The following SBK1 variants were observed in gnomAD, a reference collection of about 807,000 sequenced individuals.
SBK1 encodes the protein SH3 domain binding kinase 1, also known as serine/threonine-protein kinase SBK1.
Under a neutral mutation model 24.4 loss-of-function variants are expected in SBK1, and 11 were observed. The ratio of observed to expected loss-of-function variants is 0.45; its 90% CI spans 0.28 to 0.75. SBK1 has a LOEUF of 0.75. Ranked by LOEUF, SBK1 falls within the 30% of genes least tolerant of loss-of-function variation. The pLI is 0.12. For missense variants in SBK1, 467 were observed against 620.5 expected (o/e 0.75, Z 2.63); for synonymous variants, 308 against 284.4 (o/e 1.08, Z -0.83).
At chr16:28,315,205 A>G (rs1250755570) in intron 1 of SBK1, among the ~76,000 whole-genome samples, 1 of 149,100 alleles carries the variant, frequency 6.7e-6, no homozygotes, top group African/African-American at 2.5e-5. Flanking sequence ...ATGAATGCCC[A>G]GAGTGGTTGC....
chr16:28,270,417 T>C (rs924290830), intron 1 of SBK1, among the ~76,000 whole-genome samples: 15 of 150,188 alleles, frequency 1.0e-4, no homozygotes, highest in African/African-American at 3.4e-4. Context: ...ATTATTATTA[T>C]TATTATTATT....
At chr16:28,281,575 C>T (rs977417154) in intron 1 of SBK1, among the ~76,000 whole-genome samples, 12 of 152,084 alleles carry the variant, frequency 7.9e-5, no homozygotes, top group African/African-American at 2.9e-4. Context: ...GGCTGGGTGG[C>T]AGGGTGGTTA....
intron 1 of SBK1, among the ~76,000 whole-genome samples, chr16:28,267,723 G>T (rs2044438463): frequency 6.6e-6 from 1 of 152,214 alleles, no homozygotes; most frequent in African/African-American, 2.4e-5. Flanking sequence ...GTTAGGACAG[G>T]CCAAGGAGTA....
At chr16:28,262,967 G>A (rs957893902) in intron 1 of SBK1, among the ~76,000 whole-genome samples, 3 of 152,064 alleles carry the variant, frequency 2.0e-5, no homozygotes, top group Admixed American at 6.6e-5. Flanking sequence ...CATCACCCAC[G>A]GCCACTGCTG....
chr16:28,268,846 C>G (rs1249315119), intron 1 of SBK1, among the ~76,000 whole-genome samples: 1 of 152,116 alleles, frequency 6.6e-6, no homozygotes, highest in East Asian at 1.9e-4. Context: ...TAGAGAAGCT[C>G]AAGAGCAAAC....
At chr16:28,314,155 A>G (rs1431070610) in intron 1 of SBK1, among the ~76,000 whole-genome samples, 4 of 150,764 alleles carry the variant, frequency 2.7e-5, no homozygotes, top group Non-Finnish European at 4.4e-5. Flanking sequence ...TATTGTTATT[A>G]TTATTATTAT....
At chr16:28,292,330 G>A (rs936232184), upstream of SBK1, among the ~76,000 whole-genome samples, 2 of 145,698 alleles carry the variant, frequency 1.4e-5, no homozygotes, top group East Asian at 2.0e-4. Context: ...GGCCGGAAGG[G>A]GGTGGGGGCG....
chr16:28,292,773 C>G lies in SBK1; in HGVS notation c.-535C>G. The G allele has an allele frequency of 1.0e-6, 1 of 985,334 alleles. No individual in the cohort carries two copies. The highest frequency in any genetic ancestry group is 1.2e-6 in the Non-Finnish European group (1 of 829,838). The allele number at this position is 985,334 out of a possible 1,614,324, so 61.0% of individuals were successfully genotyped here. On this transcript the variant is annotated 5_prime_UTR_variant, in exon 1 of 4. The change creates a new upstream start codon in the 5' untranslated region. Coordinates refer to ENST00000341901, the MANE Select transcript of SBK1 (RefSeq NM_001024401.3). ...GGGAGCCCCCTTCCACATCCAGGAT[C>G]CGGCGAGCCTCGGGGAAGAGGGGGG...
chr16:28,313,834 G>C (rs1458488887), intron 1 of SBK1, among the ~76,000 whole-genome samples: 6 of 152,114 alleles, frequency 3.9e-5, no homozygotes, highest in Admixed American at 3.9e-4. Flanking sequence ...GCTGGGTCGT[G>C]CCGAGAGTGA....
In SBK1 at chr16:28,317,733, C is replaced by A; in HGVS notation, c.226+116C>A. 1.3e-6 allele frequency: 1 copy of A among 742,796 alleles called. No homozygotes were observed. Among genetic ancestry groups the A allele is most frequent in the Non-Finnish European group, 2.3e-6 (1 of 428,324 alleles). 46.0% of individuals were successfully genotyped at this position (742,796 alleles called of 1,614,324 possible). On this transcript the variant is annotated intron_variant, in intron 2 of 3. Coordinates refer to ENST00000341901, the MANE Select transcript of SBK1 (RefSeq NM_001024401.3). The surrounding 1 kb of genome is among the most constrained non-coding windows in gnomAD (Gnocchi z 4.2). ...GGGGCTCTCTGGTGCTCTGTGGAAG[C>A]CAGGAGGCAGGGTCAGGGGCCAGAT...
At chr16:28,282,615 T>G (rs1462781923) in intron 1 of SBK1, among the ~76,000 whole-genome samples, 1 of 152,120 alleles carries the variant, frequency 6.6e-6, no homozygotes, top group African/African-American at 2.4e-5. Context: ...TTTGGGGGCC[T>G]GGGAACAAGT....
At position 28,276,371 on chromosome 16, in the gene SBK1, C is replaced by T. The variant is rs115448673; in HGVS notation, c.257+16869C>T. On this transcript the variant is annotated intron_variant, in intron 1 of 3. Transcript: ENST00000671413. ...AAGCAACTGGGAGGCATAGTGAGGG[C>T]GGAGGTTGGGGGCACTCTGCTGAGT... Among the ~76,000 whole-genome samples, 1,304 of 152,174 alleles carry T rather than the reference C, an allele frequency of 8.6e-3. 19 individuals are homozygous for T. Among genetic ancestry groups the T allele is most frequent in the African/African-American group, 0.03 (1,243 of 41,500 alleles).
chr16:28,307,187 G>A (rs1351170286), intron 1 of SBK1, among the ~76,000 whole-genome samples: 3 of 152,128 alleles, frequency 2.0e-5, no homozygotes, highest in Non-Finnish European at 2.9e-5. Flanking sequence ...ATAAATAGCC[G>A]ACACTCAGGG....
intron 1 of SBK1, among the ~76,000 whole-genome samples, chr16:28,260,792 G>T (rs939479124): frequency 2.0e-5 from 3 of 152,182 alleles, no homozygotes; most frequent in Admixed American, 2.0e-4. Context: ...AGACAGGTCA[G>T]TTCTGCACAG....
intron 1 of SBK1, among the ~76,000 whole-genome samples, chr16:28,266,524 C>T (rs1212482345): frequency 1.3e-5 from 2 of 152,078 alleles, no homozygotes. Flanking sequence ...AAAACTGACA[C>T]AGATCTCACT....
Position 28,320,749 on chromosome 16 carries a change from C to T in SBK1, c.1103C>T (p.Pro368Leu), listed in dbSNP as rs909464891. The T allele has an allele frequency of 2.4e-6, 3 of 1,248,820 alleles. No homozygotes were observed. Among genetic ancestry groups the T allele is most frequent in the Non-Finnish European group, 2.0e-6 (2 of 987,144 alleles). The allele number at this position is 1,248,820 out of a possible 1,614,324, so 77.4% of individuals were successfully genotyped here. Residue 368 changes from proline to leucine, a missense_variant, in exon 4 of 4, where the codon CCC becomes CTC. Physicochemically the swap from Pro to Leu is moderately conservative, Grantham distance 98. This residue lies in a region of SBK1 where 166 missense variants were observed against 146.8 expected (regional missense o/e 1.13). Transcript: ENST00000341901. The surrounding 1 kb of genome is among the most constrained non-coding windows in gnomAD (Gnocchi z 8.5). ...GGCAGCGGCTCCCGGCCCGCGCCCC[C>T]CGCCGTCGGGTCGGTGCCCTTGCCC... ...ESGSGSRPAP[P>L]AVGSVPLPVP... is the part of the protein sequence containing the mutation.
intron 1 of SBK1, among the ~76,000 whole-genome samples, chr16:28,268,341 C>T (rs568269705): frequency 1.5e-4 from 22 of 151,574 alleles, no homozygotes; most frequent in African/African-American, 5.3e-4. Flanking sequence ...TTCTGGGGTT[C>T]AAGCAATCCT....
At chr16:28,264,566 C>T (rs1309495074) in intron 1 of SBK1, among the ~76,000 whole-genome samples, 1 of 147,212 alleles carries the variant, frequency 6.8e-6, no homozygotes, top group Non-Finnish European at 1.5e-5. Context: ...AGCGAGACTC[C>T]GTCTCAAAAA....
In SBK1 at chr16:28,294,699, G is replaced by A. The variant is rs182469491; in HGVS notation, c.-8+1399G>A. Among the ~76,000 whole-genome samples the A allele has an allele frequency of 1.9e-4, 29 of 152,336 alleles. No homozygotes were observed. The East Asian group carries it at 5.4e-3, about 28-fold the overall frequency. Reference sequence around the variant, plus strand: ...TTGGGAGCCCTGAGCCTGGGTGGCTGACTCCTCATCTCCCACCTTCCCAGC... The same window carrying A: ...TTGGGAGCCCTGAGCCTGGGTGGCTAACTCCTCATCTCCCACCTTCCCAGC... On this transcript the variant is annotated intron_variant, in intron 1 of 3. Transcript: ENST00000341901.
Sources: gnomAD v4.1 joint callset for allele counts (sites outside exome capture counted in the v4.1 genomes callset) on GRCh38, gnomAD v4.1.1 for gene constraint, gnomAD v4.1.1 regional missense constraint, Gnocchi (gnomAD v3.1) non-coding constraint, MANE v1.5 for transcripts, NCBI Gene and HGNC (gene_info 2026-07-23, HGNC 2026-07-21) for gene names.